PACS1: variants seen among roughly 807,000 people sequenced by gnomAD.
PACS1 encodes the protein phosphofurin acidic cluster sorting protein 1.
Under a neutral mutation model 115.0 loss-of-function variants are expected in PACS1, and 24 were observed. That is an observed-to-expected ratio of 0.21 (90% confidence interval 0.15 to 0.29). The LOEUF (loss-of-function observed/expected upper bound fraction) is 0.29. PACS1 is among the 10% of genes least tolerant of loss of function. The pLI is 1.00. For missense variants in PACS1, 838 were observed against 1,251.2 expected, an observed-to-expected ratio of 0.67 and a Z score of 4.98; for synonymous variants, 453 against 504.5, an observed-to-expected ratio of 0.90 and a Z score of 1.37.
chr11:66,210,892 TA>T (rs1383094859), intron 3 of PACS1, among the ~76,000 whole-genome samples: 1 of 152,186 alleles, frequency 6.6e-6, no homozygotes, highest in East Asian at 1.9e-4. Flanking sequence ...AAACACCTGA[TA>T]AAGTGGCAAG....
At position 66,130,849 on chromosome 11, in the gene PACS1, C is replaced by T. The variant is rs113886941; in HGVS notation, c.356+60007C>T. On this transcript the variant is annotated intron_variant, in intron 1 of 23. Coordinates refer to ENST00000320580, the MANE Select transcript of PACS1 (RefSeq NM_018026.4). Reference sequence around the variant, plus strand: ...TTTGGGGAGGCTGAGGCAGAAGGATCGCTTGAGCCCAGGAGTTCGAGACCA... The same window carrying T: ...TTTGGGGAGGCTGAGGCAGAAGGATTGCTTGAGCCCAGGAGTTCGAGACCA... Among the ~76,000 whole-genome samples, 182 of 152,182 alleles carry T rather than the reference C, an allele frequency of 1.2e-3. 2 individuals carry two copies. Among genetic ancestry groups the T allele is most frequent in the African/African-American group, 4.2e-3 (175 of 41,526 alleles).
At chr11:66,153,430 A>T (rs573853604) in intron 1 of PACS1, among the ~76,000 whole-genome samples, 1 of 152,292 alleles carries the variant, frequency 6.6e-6, no homozygotes, top group Non-Finnish European at 1.5e-5. Flanking sequence ...GGATTGCTTG[A>T]GCCCAGAAGT....
intron 1 of PACS1, among the ~76,000 whole-genome samples, chr11:66,100,508 C>CA (rs1857892129): frequency 6.6e-6 from 1 of 152,030 alleles, no homozygotes; most frequent in Non-Finnish European, 1.5e-5. Context: ...ACTCATAAGA[C>CA]AATAGAGGTG....
chr11:66,156,048 T>G (rs1037380827), intron 1 of PACS1, among the ~76,000 whole-genome samples: 2 of 151,108 alleles, frequency 1.3e-5, no homozygotes, highest in Non-Finnish European at 3.0e-5. Context: ...GGGGCTTGGG[T>G]GGAGGGAAGA....
chr11:66,239,292 C>T lies in PACS1; in HGVS notation c.2429+15C>T, dbSNP rs770441395. 1.2e-5 allele frequency: 19 copies of T among 1,602,758 alleles called. No homozygotes were observed. Among genetic ancestry groups the T allele is most frequent in the East Asian group, 9.0e-5 (4 of 44,690 alleles). The stretch of plus-strand genomic sequence containing the variant: ...GCCATCGTGGGGTAAGGCTCCTGCC[C>T]GTACCTGTCCTGCCATGCCCTCCAT... On this transcript the variant is annotated intron_variant, in intron 21 of 23. Transcript: ENST00000320580.
rs181182263 is a variant in PACS1 at position 66,197,734 on chromosome 11, A to C, written c.444+4161A>C. On this transcript the variant is annotated intron_variant, in intron 2 of 23. Coordinates refer to ENST00000320580, the MANE Select transcript of PACS1 (RefSeq NM_018026.4). Reference sequence around the variant, plus strand: ...CTAAGCCCAGGAGTTCAAGTTTACAATGAGTTATGATCACACCACTGCACT... The same window carrying C: ...CTAAGCCCAGGAGTTCAAGTTTACACTGAGTTATGATCACACCACTGCACT... Among the ~76,000 whole-genome samples the C allele has an allele frequency of 3.3e-5, 5 of 152,256 alleles. No homozygotes were observed. In the East Asian group the frequency reaches 9.7e-4, roughly 29 times the overall value.
chr11:66,161,009 A>G (rs1349983262), intron 1 of PACS1, among the ~76,000 whole-genome samples: 5 of 152,078 alleles, frequency 3.3e-5, no homozygotes, highest in Non-Finnish European at 4.4e-5. Context: ...CAGTTTCCTC[A>G]TCTGTAAGAT....
intron 1 of PACS1, among the ~76,000 whole-genome samples, chr11:66,175,507 A>G (rs977099643): frequency 2.0e-5 from 3 of 152,142 alleles, no homozygotes; most frequent in African/African-American, 4.8e-5. Context: ...CATCTAGATT[A>G]GATTTCAGCT....
At position 66,126,892 on chromosome 11, in the gene PACS1, C is replaced by T. The variant is rs991607533; in HGVS notation, c.356+56050C>T. Among the ~76,000 whole-genome samples, 4 of 151,946 alleles carry T rather than the reference C, an allele frequency of 2.6e-5. No homozygotes were observed. The South Asian group carries it at 8.3e-4, about 31-fold the overall frequency. Reference sequence around the variant, plus strand: ...AGGTGACTGGCAGCAAGGGCCTCGTCGCTATTAGTGCAACACTGCTGCGGG... The same window carrying T: ...AGGTGACTGGCAGCAAGGGCCTCGTTGCTATTAGTGCAACACTGCTGCGGG... On this transcript the variant is annotated intron_variant, in intron 1 of 23. Coordinates refer to ENST00000320580, the MANE Select transcript of PACS1 (RefSeq NM_018026.4).
At position 66,090,853 on chromosome 11, in the gene PACS1, C is replaced by T. The variant is rs11227402; in HGVS notation, c.356+20011C>T. Among the ~76,000 whole-genome samples, 193 of 152,162 alleles carry T rather than the reference C, an allele frequency of 1.3e-3. 5 individuals carry two copies. The East Asian group carries it at 0.035, about 28-fold the overall frequency. ...TAAATGCACGATAACCCTGACTTTC[C>T]AGCCAATGGATTGAGAAATCCTTGG... is the stretch of plus-strand genomic sequence containing the variant. On this transcript the variant is annotated intron_variant, in intron 1 of 23. Transcript: ENST00000320580.
At chr11:66,082,516 A>C (rs1394208709) in intron 1 of PACS1, among the ~76,000 whole-genome samples, 1 of 152,142 alleles carries the variant, frequency 6.6e-6, no homozygotes, top group African/African-American at 2.4e-5. Context: ...AAAAACAAAC[A>C]AAAAAACACC....
rs768733934 is a variant in PACS1, at chr11:66,235,322, G to A, written c.2126G>A (p.Arg709Gln). ...GCAGAGCAACTGGACGTGGCAGGGC[G>A]GGTGATGCAGTACGTCAACGGGGCA... is the stretch of plus-strand genomic sequence containing the variant. ...PVSEQLDVAG[R>Q]VMQYVNGAAT... is the part of the protein sequence containing the mutation. Residue 709 changes from arginine to glutamine, a missense_variant, in exon 18 of 24, where the codon CGG becomes CAG. Coordinates refer to ENST00000320580, the MANE Select transcript of PACS1 (RefSeq NM_018026.4). The surrounding 1 kb of genome is among the most constrained non-coding windows in gnomAD (Gnocchi z 5.6). 3 of 1,613,974 alleles carry A rather than the reference G, an allele frequency of 1.9e-6. No individual in the cohort carries two copies. The highest frequency in any genetic ancestry group is 1.3e-5 in the African/African-American group (1 of 75,016).
At chr11:66,092,567 T>C (rs1355346828) in intron 1 of PACS1, among the ~76,000 whole-genome samples, 1 of 151,998 alleles carries the variant, frequency 6.6e-6, no homozygotes, top group Non-Finnish European at 1.5e-5. Flanking sequence ...TTGCCATTGC[T>C]TTTGGTGTTT....
At chr11:66,112,127 TGCC>T (rs1656402246) in intron 1 of PACS1, among the ~76,000 whole-genome samples, 1 of 152,240 alleles carries the variant, frequency 6.6e-6, no homozygotes, top group African/African-American at 2.4e-5. Flanking sequence ...TTCTCTACAC[TGCC>T]GGCAGAGTGG....
chr11:66,118,939 C>A (rs1858378913), intron 1 of PACS1, among the ~76,000 whole-genome samples: 1 of 152,008 alleles, frequency 6.6e-6, no homozygotes, highest in Admixed American at 6.6e-5. Flanking sequence ...GAGATATAGA[C>A]AATTGAATAA....
rs541174735 is a variant in PACS1, at chr11:66,233,208, C to T, written c.1838+142C>T. On this transcript the variant is annotated intron_variant, in intron 15 of 23. Transcript: ENST00000320580. This position sits in a 1 kb window ranked among gnomAD's most constrained non-coding sequence, Gnocchi z 4.5. ...GAGGGGCGTATGTTTAGGGGGGTGG[C>T]GGCAGCAGGCTGTAGGGCTTGAGGC... 2.9e-4 allele frequency: 177 copies of T among 616,178 alleles called. 1 individual carries two copies. Among genetic ancestry groups the T allele is most frequent in the South Asian group, 1.7e-3 (84 of 48,066 alleles). 38.2% of individuals were successfully genotyped at this position (616,178 alleles called of 1,614,324 possible). A position where few individuals can be genotyped will look rare whatever the true frequency, so the allele number is the denominator to read the frequency against.
chr11:66,205,658 ATTTTT>A (rs535345581), intron 2 of PACS1, among the ~76,000 whole-genome samples: 1 of 139,006 alleles, frequency 7.2e-6, no homozygotes. Context: ...AATACTCTTA[ATTTTT>A]TTTTTTTTTT....
chr11:66,158,421 G>T (rs1373094539), intron 1 of PACS1, among the ~76,000 whole-genome samples: 1 of 152,242 alleles, frequency 6.6e-6, no homozygotes, highest in East Asian at 1.9e-4. Context: ...AGATAGGCCG[G>T]GCGTGGTGGC....
intron 11 of PACS1, among the ~76,000 whole-genome samples, chr11:66,229,660 C>T (rs1166444246): frequency 6.6e-6 from 1 of 151,710 alleles, no homozygotes; most frequent in Non-Finnish European, 1.5e-5. Context: ...GCTTGGGCGA[C>T]AGAGCAAGAC....
Sources: allele counts gnomAD v4.1 joint callset (sites outside exome capture counted in the v4.1 genomes callset), GRCh38; gene constraint gnomAD v4.1.1; non-coding constraint Gnocchi (gnomAD v3.1); transcripts MANE v1.5; gene names NCBI Gene and HGNC (gene_info 2026-07-23, HGNC 2026-07-21).